Variants in WDR93 observed in about 807,000 individuals in gnomAD.
The protein encoded by WDR93 is WD repeat-containing protein 93.
In WDR93, 73 loss-of-function variants were observed where a neutral mutation model predicts 82.9. The observed-to-expected ratio is 0.88, with a 90% confidence interval of 0.73 to 1.07. WDR93 has a LOEUF of 1.07. WDR93 is among the 50% of genes least tolerant of loss of function. WDR93 has a pLI of 0.00. For synonymous variants in WDR93, 283 were observed against 300.1 expected (o/e 0.94, Z 0.59); for missense variants, 738 against 826.0 (o/e 0.89, Z 1.31).
chr15:89,725,670 C>T (rs1475099180), intron 8 of WDR93, among the ~76,000 whole-genome samples: 1 of 151,386 alleles, frequency 6.6e-6, no homozygotes, highest in East Asian at 1.9e-4. Flanking sequence ...CCAAGCAATC[C>T]TCCCACCTCA....
At chr15:89,690,648 G>A (rs1395477366), upstream of WDR93, 2 of 1,549,660 alleles carry the variant, frequency 1.3e-6, no homozygotes, top group Non-Finnish European at 1.7e-6. Context: ...CTAGCCCAAA[G>A]GCCACGAGTC....
chr15:89,698,750 TTA>T (rs911799749), intron 1 of WDR93, among the ~76,000 whole-genome samples: 8 of 152,268 alleles, frequency 5.3e-5, no homozygotes, highest in Admixed American at 5.2e-4. Context: ...CACTACATTT[TTA>T]TTTTTTTGTT....
At chr15:89,729,603 C>A (rs1966842785) in intron 10 of WDR93, 80 bp from the exon 11 acceptor site, 4 of 1,079,750 alleles carry the variant, frequency 3.7e-6, no homozygotes, top group African/African-American at 3.1e-5. Context: ...TGGGCAAACA[C>A]CTTCTGTGCA....
intron 10 of WDR93, 138 bp from the exon 11 acceptor site, chr15:89,729,545 G>A (rs1053887180): frequency 3.0e-6 from 2 of 666,792 alleles, no homozygotes; most frequent in East Asian, 2.7e-5. Context: ...CTTCTCTTGG[G>A]TGCTGCCCAT....
intron 8 of WDR93, among the ~76,000 whole-genome samples, chr15:89,725,355 T>G (rs1278897723): frequency 6.6e-6 from 1 of 152,130 alleles, no homozygotes; most frequent in Non-Finnish European, 1.5e-5. Flanking sequence ...ATGGTTCCCC[T>G]TATGTACAGT....
intron 13 of WDR93, among the ~76,000 whole-genome samples, chr15:89,735,230 G>T (rs747158069): frequency 1.3e-5 from 2 of 152,098 alleles, no homozygotes; most frequent in Non-Finnish European, 2.9e-5. Context: ...TTGTTCACAA[G>T]AGCCATACAT....
At position 89,726,933 on chromosome 15, in the gene WDR93, A is replaced by T. The variant is rs569300851; in HGVS notation, c.881-224A>T. Reference sequence around the variant, plus strand: ...CAGAGAGAATGATGTTGGGATGAAGATACAGAAGAAGGAGGACAGCAGCTG... The same window carrying T: ...CAGAGAGAATGATGTTGGGATGAAGTTACAGAAGAAGGAGGACAGCAGCTG... On this transcript the variant is annotated intron_variant, in intron 8 of 16. Transcript: ENST00000268130. Among the ~76,000 whole-genome samples, 26 of 152,292 alleles carry T rather than the reference A, an allele frequency of 1.7e-4. No individual in the cohort carries two copies. In the South Asian group the frequency reaches 5.2e-3, roughly 30 times the overall value.
chr15:89,735,729 T>A (rs1053430895), intron 14 of WDR93, among the ~76,000 whole-genome samples, 176 bp downstream of exon 14: 16 of 152,154 alleles, frequency 1.1e-4, no homozygotes, highest in Non-Finnish European at 1.6e-4. Context: ...AGCACACAGC[T>A]CATTTGGGAA....
intron 1 of WDR93, among the ~76,000 whole-genome samples, chr15:89,696,857 C>G (rs909951844): frequency 6.6e-6 from 1 of 152,176 alleles, no homozygotes; most frequent in Non-Finnish European, 1.5e-5. Context: ...TTATAAGACA[C>G]TGTCAAATCC....
chr15:89,714,959 T>C (rs1307083469), intron 5 of WDR93, 21 bp from the exon 6 acceptor site: 3 of 1,598,782 alleles, frequency 1.9e-6, no homozygotes, highest in South Asian at 1.1e-5. Flanking sequence ...TGCTCAATGG[T>C]TCTCTGGTTT....
At position 89,710,155 on chromosome 15, in the gene WDR93, G is replaced by A. The variant is rs139760086; in HGVS notation, c.562-1871G>A. On this transcript the variant is annotated intron_variant, in intron 4 of 16. Coordinates refer to ENST00000268130, the MANE Select transcript of WDR93 (RefSeq NM_020212.2). ...AGCTTGGACGACAGAGTGAGACTCC[G>A]TCTCAAAACAAAAACAAAAACGAAA... is the stretch of plus-strand genomic sequence containing the variant. 9.2e-5 allele frequency among the ~76,000 whole-genome samples: 14 copies of A among 152,250 alleles called. No homozygotes were observed. The South Asian group carries it at 1.5e-3, about 16-fold the overall frequency.
chr15:89,702,078 C>G, intron 2 of WDR93, 29 bp downstream of exon 2: 2 of 1,573,528 alleles, frequency 1.3e-6, no homozygotes, highest in Non-Finnish European at 1.7e-6. Context: ...ACCAGGAGCC[C>G]CTGTTTCTCA....
chr15:89,737,076 C>G (rs1177946346), intron 14 of WDR93, among the ~76,000 whole-genome samples: 1 of 152,192 alleles, frequency 6.6e-6, no homozygotes, highest in Non-Finnish European at 1.5e-5. Context: ...CAGGCATGAG[C>G]CATCGCGCCC....
chr15:89,701,802 G>T lies in WDR93; in HGVS notation c.56G>T (p.Arg19Leu), dbSNP rs77441492. 39 of 1,614,118 alleles carry T rather than the reference G, an allele frequency of 2.4e-5. No individual in the cohort carries two copies. The highest frequency in any genetic ancestry group is 1.9e-5 in the Non-Finnish European group (23 of 1,180,016). Reference sequence around the variant, plus strand: ...AAAATAAAGCACCCCATTGGTACACGAAAGGGACCATTGGAGGTGCCACCC... The same window carrying T: ...AAAATAAAGCACCCCATTGGTACACTAAAGGGACCATTGGAGGTGCCACCC... ...TQKIKHPIGT[R>L]KGPLEVPPPT... Residue 19 changes from arginine to leucine, a missense_variant, in exon 2 of 17, where the codon CGA becomes CTA. Arg to Leu is a moderately radical substitution (Grantham distance 102). Coordinates refer to ENST00000268130, the MANE Select transcript of WDR93 (RefSeq NM_020212.2).
At position 89,733,014 on chromosome 15, in the gene WDR93, C is replaced by G. The variant is rs749189597; in HGVS notation, c.1339C>G (p.Leu447Val). The G allele has an allele frequency of 1.9e-6, 3 of 1,614,162 alleles. No homozygotes were observed. The highest frequency in any genetic ancestry group is 8.5e-7 in the Non-Finnish European group (1 of 1,180,014). Reference sequence around the variant, plus strand: ...GTGATTACTTTCTCTAGGATTCCCTCTTGGGGTCGCTGCTCTTCCTCAGGG... The same window carrying G: ...GTGATTACTTTCTCTAGGATTCCCTGTTGGGGTCGCTGCTCTTCCTCAGGG... ...TLWDLAKGFP[L>V]GVAALPQGCF... is the part of the protein sequence containing the mutation. The change falls in exon 13 of 17, where the codon CTT becomes GTT. Residue 447 changes from leucine to valine, a missense_variant. By Grantham distance (32) the Leu-to-Val change is conservative (BLOSUM62 1). Coordinates refer to ENST00000268130, the MANE Select transcript of WDR93 (RefSeq NM_020212.2).
At position 89,735,484 on chromosome 15, in the gene WDR93, C is replaced by CT. The variant is rs768716771; in HGVS notation, c.1545-5dup. ...GGAGAATGTCTGTATATTTTCTGTC[C>CT]TATAGGCCTGTAAAGCACCTGGATA... On this transcript the variant is annotated splice_polypyrimidine_tract_variant and splice_region_variant and intron_variant, in intron 13 of 16. Transcript: ENST00000268130. 6.2e-7 allele frequency: 1 copy of CT among 1,614,040 alleles called. No individual in the cohort carries two copies. Among genetic ancestry groups the CT allele is most frequent in the Non-Finnish European group, 8.5e-7 (1 of 1,179,954 alleles).
At chr15:89,721,758 G>A (rs1966537509) in intron 7 of WDR93, among the ~76,000 whole-genome samples, 1 of 124,210 alleles carries the variant, frequency 8.1e-6, no homozygotes, top group South Asian at 2.6e-4. Context: ...CAGAGTAGCT[G>A]GGACTACAAG....
At chr15:89,731,849 C>A (rs1966862667) in intron 12 of WDR93, among the ~76,000 whole-genome samples, 1 of 152,186 alleles carries the variant, frequency 6.6e-6, no homozygotes, top group South Asian at 2.1e-4. Flanking sequence ...TATTACACTC[C>A]AGTGAAGAAG....
intron 1 of WDR93, among the ~76,000 whole-genome samples, chr15:89,697,277 C>T (rs1023454072): frequency 2.0e-5 from 3 of 152,072 alleles, no homozygotes; most frequent in Admixed American, 2.0e-4. Flanking sequence ...TTTATTTTAG[C>T]CATTCTAATA....
Sources: gnomAD v4.1 joint callset for allele counts (sites outside exome capture counted in the v4.1 genomes callset) on GRCh38, gnomAD v4.1.1 for gene constraint, MANE v1.5 for transcripts, NCBI Gene and HGNC (gene_info 2026-07-23, HGNC 2026-07-21) for gene names.